Variants in PARD3B observed in about 807,000 individuals in gnomAD.
PARD3B encodes par-3 family cell polarity regulator beta, also known as partitioning defective 3 homolog B.
A neutral mutation model predicts 130.2 loss-of-function variants in PARD3B; 103 were observed. That is an observed-to-expected ratio of 0.79 (90% CI 0.67 to 0.93). PARD3B has a LOEUF of 0.93. Among genes scored for constraint, PARD3B ranks in the 40% least tolerant of loss-of-function variants. The pLI is 0.00. For synonymous variants in PARD3B, 583 were observed against 553.2 expected (o/e 1.05, Z -0.76); for missense variants, 1,609 against 1,499.2 (o/e 1.07, Z -1.21).
At chr2:204,911,158 A>C (rs1489838364) in intron 2 of PARD3B, among the ~76,000 whole-genome samples, 1 of 152,232 alleles carries the variant, frequency 6.6e-6, no homozygotes, top group Non-Finnish European at 1.5e-5. Context: ...ATAATCCCTG[A>C]ATAAATGAAG....
At chr2:205,060,392 A>G (rs1481089759) in intron 4 of PARD3B, among the ~76,000 whole-genome samples, 1 of 152,166 alleles carries the variant, frequency 6.6e-6, no homozygotes, top group Non-Finnish European at 1.5e-5. Flanking sequence ...CAGGCATTTA[A>G]GACATTCATA....
chr2:204,649,560 C>G (rs1559029580), intron 1 of PARD3B, among the ~76,000 whole-genome samples: 1 of 151,762 alleles, frequency 6.6e-6, no homozygotes, highest in Non-Finnish European at 1.5e-5. Context: ...ACCACCACCA[C>G]CCAGACACAC....
At chr2:205,496,454 C>T (rs754590262) in intron 20 of PARD3B, among the ~76,000 whole-genome samples, 38 of 152,150 alleles carry the variant, frequency 2.5e-4, no homozygotes, top group Admixed American at 5.9e-4. Flanking sequence ...AAGGTTTGCA[C>T]AGTGTTCCAT....
intron 5 of PARD3B, among the ~76,000 whole-genome samples, chr2:205,110,930 G>C (rs1376776423): frequency 6.6e-6 from 1 of 152,022 alleles, no homozygotes; most frequent in Non-Finnish European, 1.5e-5. Flanking sequence ...CCTACTTGCT[G>C]TGTTTCTCTT....
chr2:204,932,966 A>G (rs1688139028), intron 2 of PARD3B, among the ~76,000 whole-genome samples: 1 of 152,308 alleles, frequency 6.6e-6, no homozygotes, highest in African/African-American at 2.4e-5. Flanking sequence ...GTTATGTATT[A>G]TTCAATTACC....
intron 3 of PARD3B, among the ~76,000 whole-genome samples, chr2:204,996,363 G>A (rs1450610624): frequency 6.6e-6 from 1 of 152,090 alleles, no homozygotes; most frequent in Non-Finnish European, 1.5e-5. Context: ...GTGTGCCCCT[G>A]CTGGGGGGTG....
At position 205,590,750 on chromosome 2, in the gene PARD3B, G is replaced by A. The variant is rs2054358740; in HGVS notation, c.3261-24706G>A. ...GAAAGATAGGATCAAGGATGAAGGA[G>A]AAAAGTAGAAGCTGTTGCCACATAT... On this transcript the variant is annotated intron_variant, in intron 22 of 22. Coordinates refer to ENST00000406610, the MANE Select transcript of PARD3B (RefSeq NM_001302769.2). The surrounding 1 kb of genome is among the most constrained non-coding windows in gnomAD (Gnocchi z 4.1). Among the ~76,000 whole-genome samples, 1 of 152,172 alleles carries A rather than the reference G, an allele frequency of 6.6e-6. No individual in the cohort carries two copies. The highest frequency in any genetic ancestry group is 1.5e-5 in the Non-Finnish European group (1 of 68,042).
intron 1 of PARD3B, among the ~76,000 whole-genome samples, chr2:204,594,747 A>G (rs1460361071): frequency 6.6e-6 from 1 of 152,174 alleles, no homozygotes; most frequent in Admixed American, 6.6e-5. Context: ...TATTCTCTGA[A>G]CTATAAAAGT....
intron 2 of PARD3B, 47 bp from the exon 3 acceptor site, chr2:204,965,105 G>A (rs771705137): frequency 6.3e-7 from 1 of 1,581,344 alleles, no homozygotes. Flanking sequence ...TGTCCGTGTG[G>A]TATGCATGTC....
chr2:205,477,983 C>A, intron 20 of PARD3B, among the ~76,000 whole-genome samples: 1 of 152,214 alleles, frequency 6.6e-6, no homozygotes, highest in Non-Finnish European at 1.5e-5. Context: ...CAACCCAGGG[C>A]TAGCCTTGGA....
chr2:205,505,868 C>G (rs867405971), intron 21 of PARD3B, among the ~76,000 whole-genome samples: 1 of 152,056 alleles, frequency 6.6e-6, no homozygotes, highest in Admixed American at 6.6e-5. Context: ...ATTATCCCCC[C>G]GCCCAACCTT....
intron 1 of PARD3B, among the ~76,000 whole-genome samples, chr2:204,555,980 A>G (rs1460792264): frequency 6.6e-6 from 1 of 152,086 alleles, no homozygotes; most frequent in Non-Finnish European, 1.5e-5. Context: ...CACTTATTTT[A>G]ACTGTATTTC....
chr2:204,787,150 C>A (rs953124171), intron 2 of PARD3B, among the ~76,000 whole-genome samples: 1 of 144,116 alleles, frequency 6.9e-6, no homozygotes, highest in African/African-American at 2.7e-5. Flanking sequence ...AGGAAGACTA[C>A]ACAACTCAGA....
chr2:205,496,946 G>A (rs79834700), intron 20 of PARD3B, among the ~76,000 whole-genome samples: 2,499 of 151,816 alleles, frequency 0.016, 72 homozygotes, highest in African/African-American at 0.056. Context: ...GAGTTTGAAC[G>A]CAGCTCATGA....
At chr2:205,098,189 T>A (rs1702515623) in intron 4 of PARD3B, among the ~76,000 whole-genome samples, 1 of 152,216 alleles carries the variant, frequency 6.6e-6, no homozygotes, top group Non-Finnish European at 1.5e-5. Context: ...CCTCTCTGTA[T>A]AATGTTTCTA....
chr2:205,452,483 T>C (rs947027905), intron 20 of PARD3B, among the ~76,000 whole-genome samples: 13 of 152,208 alleles, frequency 8.5e-5, no homozygotes, highest in African/African-American at 2.4e-4. Flanking sequence ...GCCATTTCCG[T>C]AGAGAGTTAA....
chr2:205,537,527 T>C (rs2051916460), intron 21 of PARD3B, among the ~76,000 whole-genome samples: 1 of 152,226 alleles, frequency 6.6e-6, no homozygotes, highest in Non-Finnish European at 1.5e-5. Flanking sequence ...CTGAGGATGC[T>C]TTCAGACTTG....
intron 18 of PARD3B, among the ~76,000 whole-genome samples, chr2:205,320,014 A>G (rs1426501484): frequency 6.6e-6 from 1 of 152,084 alleles, no homozygotes; most frequent in Non-Finnish European, 1.5e-5. Flanking sequence ...CTAAAAATAT[A>G]AAAATTACCC....
At chr2:205,000,554 A>G (rs1010586676) in intron 3 of PARD3B, among the ~76,000 whole-genome samples, 2 of 152,230 alleles carry the variant, frequency 1.3e-5, no homozygotes, top group African/African-American at 4.8e-5. Context: ...AAGGAGATAG[A>G]TGAAATATCC....
Sources: allele counts gnomAD v4.1 joint callset (sites outside exome capture counted in the v4.1 genomes callset), GRCh38; gene constraint gnomAD v4.1.1; non-coding constraint Gnocchi (gnomAD v3.1); transcripts MANE v1.5; gene names NCBI Gene and HGNC (gene_info 2026-07-23, HGNC 2026-07-21).